Variants in ATXN7L1 observed in about 807,000 individuals in gnomAD.
The protein encoded by ATXN7L1 is ataxin-7-like protein 1.
A neutral mutation model predicts 70.8 loss-of-function variants in ATXN7L1; 15 were observed. The observed-to-expected ratio is 0.21, with a 90% confidence interval of 0.14 to 0.33. ATXN7L1 has a LOEUF of 0.33. Among genes scored for constraint, ATXN7L1 ranks in the 10% least tolerant of loss-of-function variants. ATXN7L1 has a pLI of 1.00. For missense variants in ATXN7L1, 975 were observed against 1,097.1 expected, an observed-to-expected ratio of 0.89 and a Z score of 1.57; for synonymous variants, 440 against 445.1, an observed-to-expected ratio of 0.99 and a Z score of 0.14.
At chr7:105,705,014 T>TTTTA (rs377314818) in intron 3 of ATXN7L1, among the ~76,000 whole-genome samples, 9,466 of 151,428 alleles carry the variant, frequency 0.063, 397 homozygotes, top group South Asian at 0.16. Flanking sequence ...TTATTTTTTA[T>TTTTA]TTTATTTATT....
chr7:105,764,334 G>A (rs1013466564), intron 3 of ATXN7L1, among the ~76,000 whole-genome samples: 1 of 151,976 alleles, frequency 6.6e-6, no homozygotes, highest in Admixed American at 6.6e-5. Context: ...CCTAAGCAGT[G>A]GAGTGGACCC....
In ATXN7L1 at chr7:105,604,992, T is replaced by G. The variant is rs1792691167; in HGVS notation, c.*2860A>C. The G allele has an allele frequency of 6.6e-6, 1 of 150,614 alleles. No individual in the cohort carries two copies. The highest frequency in any genetic ancestry group is 2.1e-4 in the South Asian group (1 of 4,762). The allele number at this position is 150,614 out of a possible 1,614,324, so 9.3% of individuals were successfully genotyped here. On this transcript the variant is annotated 3_prime_UTR_variant, in exon 12 of 12. Transcript: ENST00000419735. ...CTCTACAAAGGTTGATCAGCATTAT[T>G]TACAATTGGTACATTGATACAAAAG...
intron 2 of ATXN7L1, among the ~76,000 whole-genome samples, chr7:105,851,072 T>C (rs1418557058): frequency 6.6e-6 from 1 of 152,180 alleles, no homozygotes; most frequent in Non-Finnish European, 1.5e-5. Context: ...CCCACAATGA[T>C]TTACAACCCT....
chr7:105,826,055 C>T (rs552250498), intron 2 of ATXN7L1, among the ~76,000 whole-genome samples: 14 of 151,732 alleles, frequency 9.2e-5, no homozygotes, highest in African/African-American at 3.4e-4. Flanking sequence ...ATATATATAC[C>T]CTTTATAGAG....
chr7:105,695,973 G>T (rs549097871), intron 3 of ATXN7L1, among the ~76,000 whole-genome samples: 1 of 152,272 alleles, frequency 6.6e-6, no homozygotes, highest in Non-Finnish European at 1.5e-5. Flanking sequence ...TGAAGGCTTG[G>T]GGGGCCAAGA....
chr7:105,732,207 C>T (rs1223418262), intron 3 of ATXN7L1, among the ~76,000 whole-genome samples: 8 of 152,000 alleles, frequency 5.3e-5, no homozygotes, highest in African/African-American at 7.3e-5. Flanking sequence ...GTCAGGGGTT[C>T]GAGACTAGCC....
intron 4 of ATXN7L1, among the ~76,000 whole-genome samples, chr7:105,644,799 G>A (rs1798748061): frequency 6.6e-6 from 1 of 152,172 alleles, no homozygotes; most frequent in Non-Finnish European, 1.5e-5. Flanking sequence ...AAGAAATCAG[G>A]GTCCTGAAGA....
chr7:105,829,239 T>C (rs1309983273), intron 2 of ATXN7L1, among the ~76,000 whole-genome samples: 1 of 151,950 alleles, frequency 6.6e-6, no homozygotes, highest in Non-Finnish European at 1.5e-5. Flanking sequence ...CTGGCCAATA[T>C]GGTGAAACGC....
At position 105,697,989 on chromosome 7, in the gene ATXN7L1, TG is replaced by T. The variant is rs1397940960; in HGVS notation, c.356-32702del. ...ACGAGCACTGTCTTTATACATGGTC[TG>T]GACATGTGGAAAGCTGGCCAAGAAG... is the stretch of plus-strand genomic sequence containing the variant. On this transcript the variant is annotated intron_variant, in intron 3 of 11. Coordinates refer to ENST00000419735, the MANE Select transcript of ATXN7L1 (RefSeq NM_020725.2). Among the ~76,000 whole-genome samples the T allele has an allele frequency of 3.3e-5, 5 of 152,290 alleles. No individual in the cohort carries two copies. The East Asian group carries it at 9.6e-4, about 29-fold the overall frequency.
At chr7:105,672,973 C>T (rs1380738568) in intron 3 of ATXN7L1, among the ~76,000 whole-genome samples, 2 of 149,110 alleles carry the variant, frequency 1.3e-5, no homozygotes, top group African/African-American at 5.2e-5. Flanking sequence ...CAGCAGCTGA[C>T]TGTTTCAAGA....
intron 2 of ATXN7L1, among the ~76,000 whole-genome samples, chr7:105,802,859 G>C (rs899448860): frequency 1.3e-5 from 2 of 152,130 alleles, no homozygotes; most frequent in African/African-American, 4.8e-5. Context: ...GTTTTTCCTG[G>C]TTTAAATGAA....
chr7:105,702,924 C>T (rs927190459), intron 3 of ATXN7L1, among the ~76,000 whole-genome samples: 4 of 152,102 alleles, frequency 2.6e-5, no homozygotes, highest in African/African-American at 9.7e-5. Flanking sequence ...CGAGACCATC[C>T]TGACTAACAG....
intron 3 of ATXN7L1, among the ~76,000 whole-genome samples, chr7:105,732,066 G>C (rs150963972): frequency 6.6e-6 from 1 of 151,964 alleles, no homozygotes. Flanking sequence ...GTACTCCAGC[G>C]TGGGGGACAA....
At chr7:105,615,215 T>C (rs1793698293) in intron 9 of ATXN7L1, among the ~76,000 whole-genome samples, 1 of 152,060 alleles carries the variant, frequency 6.6e-6, no homozygotes, top group African/African-American at 2.4e-5. Flanking sequence ...TGAGAAGTGA[T>C]CATTTCACAT....
chr7:105,754,227 G>A (rs1264184745), intron 3 of ATXN7L1, among the ~76,000 whole-genome samples: 2 of 152,128 alleles, frequency 1.3e-5, no homozygotes, highest in East Asian at 3.9e-4. Flanking sequence ...CTTCAGACGG[G>A]AAAACACTCA....
At chr7:105,623,234 G>T (rs78931221) in intron 8 of ATXN7L1, among the ~76,000 whole-genome samples, 2 of 152,262 alleles carry the variant, frequency 1.3e-5, no homozygotes, top group Non-Finnish European at 2.9e-5. Context: ...GACCAGGATG[G>T]ATTTCACTTA....
At chr7:105,727,769 T>TATATATATAA (rs1471265583) in intron 3 of ATXN7L1, among the ~76,000 whole-genome samples, 1 of 120,298 alleles carries the variant, frequency 8.3e-6, no homozygotes, top group Admixed American at 8.6e-5. Flanking sequence ...TATATATATA[T>TATATATATAA]ATATATATAC....
intron 7 of ATXN7L1, among the ~76,000 whole-genome samples, chr7:105,625,423 G>C (rs1309655315): frequency 2.0e-5 from 3 of 152,014 alleles, no homozygotes; most frequent in Non-Finnish European, 4.4e-5. Flanking sequence ...GCTAATTTTT[G>C]TATTTTTAGT....
chr7:105,790,663 A>ACTAT (rs60534878), intron 2 of ATXN7L1, among the ~76,000 whole-genome samples: 5 of 141,062 alleles, frequency 3.5e-5, no homozygotes, highest in Non-Finnish European at 7.7e-5. Flanking sequence ...TCATCTATCT[A>ACTAT]CTATCTATCT....
Sources: gnomAD v4.1 joint callset for allele counts (sites outside exome capture counted in the v4.1 genomes callset) on GRCh38, gnomAD v4.1.1 for gene constraint, MANE v1.5 for transcripts, NCBI Gene and HGNC (gene_info 2026-07-23, HGNC 2026-07-21) for gene names.